Variants in SKI observed in about 807,000 individuals in gnomAD.
SKI encodes ski oncogene.
A neutral mutation model predicts 59.3 loss-of-function variants in SKI; 23 were observed. The observed-to-expected ratio is 0.39, with a 90% CI of 0.28 to 0.55. The LOEUF is 0.55. Among genes scored for constraint, SKI ranks in the 20% least tolerant of loss-of-function variants. The probability of loss-of-function intolerance (pLI) is 0.67; values close to 1 mark genes in which losing one functional copy is unlikely to be tolerated. For synonymous variants in SKI, 673 were observed against 488.6 expected, an observed-to-expected ratio of 1.38 and a Z score of -4.98; for missense variants, 1,017 against 1,038.9, an observed-to-expected ratio of 0.98 and a Z score of 0.29.
intron 1 of SKI, among the ~76,000 whole-genome samples, chr1:2,282,612 C>T (rs138516510): frequency 0.01 from 1,532 of 152,292 alleles, 43 homozygotes; most frequent in Admixed American, 0.063. Flanking sequence ...GCAGGGCCTC[C>T]GAACCCATGG....
chr1:2,234,619 G>T (rs1035921556), intron 1 of SKI, among the ~76,000 whole-genome samples: 2 of 152,178 alleles, frequency 1.3e-5, no homozygotes, highest in Non-Finnish European at 2.9e-5. Flanking sequence ...GAGAGAAGGC[G>T]GTGGTTCCGG....
rs1395102969 is a variant in SKI, at chr1:2,306,927, A to G, written c.*162A>G. On this transcript the variant is annotated 3_prime_UTR_variant, in exon 7 of 7. Transcript: ENST00000378536. Reference sequence around the variant, plus strand: ...TTGTAACCATGTAGTTTTGGAACCCACTGCAAAATTTTCTACTGGCCAAGT... The same window carrying G: ...TTGTAACCATGTAGTTTTGGAACCCGCTGCAAAATTTTCTACTGGCCAAGT... The G allele has an allele frequency of 2.2e-6, 1 of 458,264 alleles. No individual in the cohort carries two copies. Among genetic ancestry groups the G allele is most frequent in the Non-Finnish European group, 3.4e-6 (1 of 294,140 alleles). 28.4% of individuals were successfully genotyped at this position (458,264 alleles called of 1,614,324 possible).
In SKI at chr1:2,304,523, A is replaced by G. The variant is rs1390123596; in HGVS notation, c.1705A>G (p.Met569Val). 1.3e-6 allele frequency: 2 copies of G among 1,582,072 alleles called. No individual in the cohort carries two copies. Among genetic ancestry groups the G allele is most frequent in the African/African-American group, 2.7e-5 (2 of 73,944 alleles). ...GAAGTTCCTGCATGAGGTGGTCAAG[A>G]TGCGCGTGAAGCAGGAGGAGAAGCT... Reference protein sequence around the residue: ...KEKFLHEVVKMRVKQEEKLSA... With the variant: ...KEKFLHEVVKVRVKQEEKLSA... The change falls in exon 5 of 7, where the codon ATG (methionine) becomes GTG (valine). Residue 569 changes from methionine (M) to valine (V), a missense_variant. Transcript: ENST00000378536.
At chr1:2,305,234 T>TA (rs1640539941) in intron 5 of SKI, among the ~76,000 whole-genome samples, 5 of 152,298 alleles carry the variant, frequency 3.3e-5, no homozygotes, top group African/African-American at 1.2e-4. Context: ...GTTGTTTAGG[T>TA]TTCTTTCTGA....
chr1:2,234,453 G>A (rs1459766705), intron 1 of SKI, among the ~76,000 whole-genome samples: 2 of 152,220 alleles, frequency 1.3e-5, no homozygotes, highest in Non-Finnish European at 2.9e-5. Context: ...TTTGTGCAAT[G>A]TCTGTCTGTC....
chr1:2,257,632 G>A (rs778111633), intron 1 of SKI, among the ~76,000 whole-genome samples: 2 of 152,210 alleles, frequency 1.3e-5, no homozygotes, highest in Non-Finnish European at 2.9e-5. Flanking sequence ...TTGCTCTTCC[G>A]TCTTAAAACT....
rs770487226 is a variant in SKI at position 2,269,343 on chromosome 1, G to GAGA, written c.970-33634_970-33632dup. On this transcript the variant is annotated intron_variant, in intron 1 of 6. Transcript: ENST00000378536. This position sits in a 1 kb window ranked among gnomAD's most constrained non-coding sequence, Gnocchi z 4.7. ...GAGTGACTAAGGGGCTGTTAGGACA[G>GAGA]AGACAGTGGGTTTTGCAGTGATGTG... Among the ~76,000 whole-genome samples the GAGA allele has an allele frequency of 6.6e-6, 1 of 152,252 alleles. No individual in the cohort carries two copies. Among genetic ancestry groups the GAGA allele is most frequent in the Non-Finnish European group, 1.5e-5 (1 of 68,046 alleles).
chr1:2,239,902 T>A (rs1408255242), intron 1 of SKI, among the ~76,000 whole-genome samples: 1 of 152,246 alleles, frequency 6.6e-6, no homozygotes, highest in East Asian at 1.9e-4. Flanking sequence ...CTGCTTCAGC[T>A]GCGTCCTTTG....
Position 2,308,207 on chromosome 1 carries a change from C to T in SKI, c.*1442C>T, listed in dbSNP as rs1228091917. 4 of 152,174 alleles carry T rather than the reference C, an allele frequency of 2.6e-5. No homozygotes were observed. The highest frequency in any genetic ancestry group is 2.1e-4 in the South Asian group (1 of 4,832). The allele number at this position is 152,174 out of a possible 1,614,324, so 9.4% of individuals were successfully genotyped here. A position where few individuals can be genotyped will look rare whatever the true frequency, so the allele number is the denominator to read the frequency against. Reference sequence around the variant, plus strand: ...TTGCTTGAATCCGTTCTAACACCCGCGGCAGCTGCACGCGCTCACAGAAGG... The same window carrying T: ...TTGCTTGAATCCGTTCTAACACCCGTGGCAGCTGCACGCGCTCACAGAAGG... On this transcript the variant is annotated 3_prime_UTR_variant, in exon 7 of 7. Coordinates refer to ENST00000378536, the MANE Select transcript of SKI (RefSeq NM_003036.4).
chr1:2,283,432 CAG>C (rs1421311045), intron 1 of SKI, among the ~76,000 whole-genome samples: 1 of 152,184 alleles, frequency 6.6e-6, no homozygotes, highest in Non-Finnish European at 1.5e-5. Context: ...CTTTTGAGGA[CAG>C]AGTCTTGGAG....
chr1:2,251,269 G>A (rs1380944618), intron 1 of SKI, among the ~76,000 whole-genome samples: 1 of 152,128 alleles, frequency 6.6e-6, no homozygotes, highest in Admixed American at 6.5e-5. Flanking sequence ...ACAGGTCTGG[G>A]TATCTGCTGA....
intron 1 of SKI, among the ~76,000 whole-genome samples, chr1:2,243,842 A>G (rs1638930849): frequency 6.6e-6 from 1 of 152,122 alleles, no homozygotes; most frequent in Admixed American, 6.5e-5. Context: ...TTGCTTTTGT[A>G]TGTTCACTCA....
At chr1:2,280,535 G>A (rs1257171185) in intron 1 of SKI, among the ~76,000 whole-genome samples, 2 of 152,104 alleles carry the variant, frequency 1.3e-5, no homozygotes, top group Non-Finnish European at 2.9e-5. Flanking sequence ...TCCCTTACCC[G>A]CCACACACCT....
chr1:2,249,912 A>G (rs1352142453), intron 1 of SKI, among the ~76,000 whole-genome samples: 23 of 148,524 alleles, frequency 1.5e-4, no homozygotes, highest in African/African-American at 5.7e-4. Flanking sequence ...TTTTGGCCAC[A>G]GTTTTTTTTT....
At chr1:2,240,611 C>T in intron 1 of SKI, 1 of 985,446 alleles carries the variant, frequency 1.0e-6, no homozygotes, top group Non-Finnish European at 1.2e-6. Flanking sequence ...AAGCAGAGTT[C>T]TCTTTAGCCC....
At chr1:2,300,652 T>C (rs1046509954) in intron 1 of SKI, among the ~76,000 whole-genome samples, 1 of 152,180 alleles carries the variant, frequency 6.6e-6, no homozygotes, top group Non-Finnish European at 1.5e-5. Flanking sequence ...CACCTTCTAT[T>C]TTACACGTTT....
In SKI at chr1:2,233,932, C is replaced by T. The variant is rs572772438; in HGVS notation, c.969+4197C>T. On this transcript the variant is annotated intron_variant, in intron 1 of 6. Transcript: ENST00000378536. The stretch of plus-strand genomic sequence containing the variant: ...GTGCTCTCCCAGACACCCTCAGGTC[C>T]GGGGAGCACTTCGGGGGCTATCTGT... 5.9e-5 allele frequency among the ~76,000 whole-genome samples: 9 copies of T among 152,318 alleles called. No homozygotes were observed. In the South Asian group the frequency reaches 1.0e-3, roughly 18 times the overall value.
At position 2,304,494 on chromosome 1, in the gene SKI, A is replaced by G; in HGVS notation, c.1676A>G (p.Lys559Arg). ...GGCGGCCTGGACACCAAGGAAGCCA[A>G]AGAGAAGTTCCTGCATGAGGTGGTC... ...LEGGLDTKEA[K>R]EKFLHEVVKM... Residue 559 changes from lysine (K) to arginine (R), a missense_variant, in exon 5 of 7, where the codon AAA becomes AGA. By Grantham distance (26) the Lys-to-Arg change is conservative. Coordinates refer to ENST00000378536, the MANE Select transcript of SKI (RefSeq NM_003036.4). 2 of 1,580,292 alleles carry G rather than the reference A, an allele frequency of 1.3e-6. No homozygotes were observed. The highest frequency in any genetic ancestry group is 1.7e-6 in the Non-Finnish European group (2 of 1,164,634).
In SKI at chr1:2,236,997, A is replaced by C. The variant is rs901506095; in HGVS notation, c.969+7262A>C. ...CTCAGGCTGGCGGCCTCAGGTGGGCATGGGTGGCAGGGGATGCCATCACCC... is the reference window on the plus strand; with the variant it reads ...CTCAGGCTGGCGGCCTCAGGTGGGCCTGGGTGGCAGGGGATGCCATCACCC... On this transcript the variant is annotated intron_variant, in intron 1 of 6. Transcript: ENST00000378536. 2.6e-5 allele frequency among the ~76,000 whole-genome samples: 4 copies of C among 152,154 alleles called. No homozygotes were observed. The South Asian group carries it at 8.3e-4, about 32-fold the overall frequency.
Sources: gnomAD v4.1 joint callset for allele counts (sites outside exome capture counted in the v4.1 genomes callset) on GRCh38, gnomAD v4.1.1 for gene constraint, Gnocchi (gnomAD v3.1) non-coding constraint, MANE v1.5 for transcripts, NCBI Gene and HGNC (gene_info 2026-07-23, HGNC 2026-07-21) for gene names.